The following LRRC4C variants were observed in gnomAD, a reference collection of about 807,000 sequenced individuals.
LRRC4C encodes the protein leucine rich repeat containing 4C, also known as leucine-rich repeat-containing protein 4C.
A neutral mutation model predicts 33.6 loss-of-function variants in LRRC4C; 5 were observed. The observed-to-expected ratio is 0.15, with a 90% CI of 0.08 to 0.31. The LOEUF (loss-of-function observed/expected upper bound fraction) is 0.31, where lower values mean the gene tolerates loss of function less well. Ranked by LOEUF, LRRC4C falls within the 10% of genes least tolerant of loss-of-function variation. The pLI is 1.00. For missense variants in LRRC4C, 560 were observed against 796.7 expected (o/e 0.70, Z 3.58); for synonymous variants, 329 against 302.0 (o/e 1.09, Z -0.93).
At chr11:40,621,787 A>T (rs896075240) in intron 3 of LRRC4C, among the ~76,000 whole-genome samples, 3 of 147,246 alleles carry the variant, frequency 2.0e-5, no homozygotes, top group African/African-American at 7.3e-5. Context: ...AGTACTTAAT[A>T]TCTGCCAGGT....
chr11:41,337,149 TTGC>T (rs1951482861), intron 1 of LRRC4C, among the ~76,000 whole-genome samples: 1 of 151,986 alleles, frequency 6.6e-6, no homozygotes, highest in Non-Finnish European at 1.5e-5. Context: ...GGCTCAAGCA[TTGC>T]TTCTGACTCA....
At chr11:40,662,517 A>T (rs1471342471) in intron 2 of LRRC4C, among the ~76,000 whole-genome samples, 1 of 152,214 alleles carries the variant, frequency 6.6e-6, no homozygotes, top group African/African-American at 2.4e-5. Flanking sequence ...CATGGTCTAG[A>T]ATACAGTAGG....
intron 3 of LRRC4C, among the ~76,000 whole-genome samples, chr11:40,391,463 T>C (rs1321292454): frequency 1.3e-5 from 2 of 152,212 alleles, no homozygotes; most frequent in Admixed American, 1.3e-4. Context: ...ATTTAAGCTT[T>C]ATAACAACGC....
chr11:40,264,529 C>A (rs531014917), intron 4 of LRRC4C, among the ~76,000 whole-genome samples: 44 of 152,292 alleles, frequency 2.9e-4, no homozygotes, highest in African/African-American at 1.0e-3. Flanking sequence ...AAGCTGAATT[C>A]TCTGTCTGTT....
At chr11:40,807,402 A>T (rs1429504226) in intron 2 of LRRC4C, among the ~76,000 whole-genome samples, 4 of 152,200 alleles carry the variant, frequency 2.6e-5, no homozygotes. Flanking sequence ...AAACAAACAA[A>T]CCGTGAGCAC....
At chr11:40,413,212 T>C (rs191811106) in intron 3 of LRRC4C, among the ~76,000 whole-genome samples, 2 of 152,116 alleles carry the variant, frequency 1.3e-5, no homozygotes, top group East Asian at 3.9e-4. Flanking sequence ...GTGATTGGTT[T>C]TTTTCATGGA....
chr11:40,921,641 G>A (rs1173094450), intron 2 of LRRC4C, among the ~76,000 whole-genome samples: 2 of 152,052 alleles, frequency 1.3e-5, no homozygotes, highest in Non-Finnish European at 2.9e-5. Flanking sequence ...TATAGTAATT[G>A]TACATGTTTT....
intron 2 of LRRC4C, among the ~76,000 whole-genome samples, chr11:40,881,758 T>C (rs1955188710): frequency 6.6e-6 from 1 of 152,112 alleles, no homozygotes; most frequent in Admixed American, 6.6e-5. Flanking sequence ...TGTGAAATTT[T>C]GTCAAGATTC....
At position 40,700,529 on chromosome 11, in the gene LRRC4C, C is replaced by G. The variant is rs188636800; in HGVS notation, c.-406-52251G>C. On this transcript the variant is annotated intron_variant, in intron 2 of 6. Transcript: ENST00000528697. Reference sequence around the variant, plus strand: ...TTATCTCAAGTGATTATCACAGGAACTCTAACTGGGGGACATTTGTCCTAC... The same window carrying G: ...TTATCTCAAGTGATTATCACAGGAAGTCTAACTGGGGGACATTTGTCCTAC... Among the ~76,000 whole-genome samples the G allele has an allele frequency of 2.9e-4, 44 of 152,212 alleles. No homozygotes were observed. The East Asian group carries it at 8.1e-3, about 28-fold the overall frequency.
chr11:40,610,243 A>G (rs1363724224), intron 3 of LRRC4C, among the ~76,000 whole-genome samples: 5 of 151,954 alleles, frequency 3.3e-5, no homozygotes, highest in Non-Finnish European at 7.4e-5. Flanking sequence ...ACATCAACCA[A>G]TGTGGTATAC....
intron 2 of LRRC4C, among the ~76,000 whole-genome samples, chr11:40,849,239 T>C (rs1953357241): frequency 6.6e-6 from 1 of 152,244 alleles, no homozygotes; most frequent in Non-Finnish European, 1.5e-5. Context: ...ATAGTGTCAA[T>C]GGTCTTTACA....
chr11:40,475,905 A>G (rs1417230192), intron 3 of LRRC4C, among the ~76,000 whole-genome samples: 1 of 152,060 alleles, frequency 6.6e-6, no homozygotes, highest in South Asian at 2.1e-4. Context: ...CAGTGTGCCT[A>G]CACCCAGAGT....
chr11:40,263,957 C>G (rs7944775), intron 4 of LRRC4C, among the ~76,000 whole-genome samples: 2 of 152,128 alleles, frequency 1.3e-5, no homozygotes, highest in Non-Finnish European at 2.9e-5. Flanking sequence ...TATCCTTCCG[C>G]GCCCAGTCCT....
At chr11:41,133,009 T>A (rs1943086075) in intron 1 of LRRC4C, among the ~76,000 whole-genome samples, 1 of 152,200 alleles carries the variant, frequency 6.6e-6, no homozygotes, top group South Asian at 2.1e-4. Flanking sequence ...TTTAATGTCC[T>A]ACCTCAGAAG....
intron 1 of LRRC4C, among the ~76,000 whole-genome samples, chr11:41,423,588 C>T (rs1043105355): frequency 5.9e-5 from 9 of 151,988 alleles, no homozygotes; most frequent in African/African-American, 1.2e-4. Context: ...ACATCATAGA[C>T]GACAGATGGT....
chr11:40,445,499 T>G (rs533084353), intron 3 of LRRC4C: 1 of 156,394 alleles, frequency 6.4e-6, no homozygotes, highest in African/African-American at 2.4e-5. Flanking sequence ...CCAACATTCA[T>G]GACATTCATA....
intron 5 of LRRC4C, among the ~76,000 whole-genome samples, chr11:40,162,893 G>C (rs781733190): frequency 3.3e-5 from 5 of 152,112 alleles, no homozygotes; most frequent in Non-Finnish European, 7.4e-5. Flanking sequence ...CATGAGATAG[G>C]ATTTAACTCT....
intron 2 of LRRC4C, among the ~76,000 whole-genome samples, chr11:40,876,791 T>C (rs1051228112): frequency 6.6e-6 from 1 of 151,620 alleles, no homozygotes; most frequent in African/African-American, 2.4e-5. Flanking sequence ...TAGTCTCATC[T>C]ACTAGGGAGG....
At chr11:40,147,287 G>A (rs1857819557) in intron 5 of LRRC4C, among the ~76,000 whole-genome samples, 2 of 152,036 alleles carry the variant, frequency 1.3e-5, no homozygotes, top group South Asian at 2.1e-4. Context: ...TACCCTATAC[G>A]ACTTTGGGAA....
Sources: allele counts gnomAD v4.1 joint callset (sites outside exome capture counted in the v4.1 genomes callset), GRCh38; gene constraint gnomAD v4.1.1; transcripts MANE v1.5; gene names NCBI Gene and HGNC (gene_info 2026-07-23, HGNC 2026-07-21).